COL26A1: variants seen among roughly 807,000 people sequenced by gnomAD.
The protein encoded by COL26A1 is collagen alpha-1(XXVI) chain.
COL26A1 carries 41 observed loss-of-function variants against 59.3 expected under a neutral mutation model. The ratio of observed to expected loss-of-function variants is 0.69; its 90% CI spans 0.54 to 0.90. The LOEUF (loss-of-function observed/expected upper bound fraction) is 0.90. Ranked by LOEUF, COL26A1 falls within the 40% of genes least tolerant of loss-of-function variation. COL26A1 has a pLI of 0.00. For missense variants in COL26A1, 612 were observed against 602.3 expected, an observed-to-expected ratio of 1.02 and a Z score of -0.17; for synonymous variants, 266 against 256.0, an observed-to-expected ratio of 1.04 and a Z score of -0.37.
intron 1 of COL26A1, among the ~76,000 whole-genome samples, chr7:101,395,103 C>T (rs114348175): frequency 0.013 from 1,951 of 151,620 alleles, 38 homozygotes; most frequent in African/African-American, 0.044. Context: ...GAACTACTGA[C>T]CTCAGACGAT....
rs180893332 is a variant in COL26A1 at position 101,483,821 on chromosome 7, C to T, written c.385+36034C>T. On this transcript the variant is annotated intron_variant, in intron 3 of 12. Transcript: ENST00000313669. ...TCCCGAGTAGCTGGGATTACAGGCA[C>T]ACACCACCACTCCTGGCTAAATTTT... is the stretch of plus-strand genomic sequence containing the variant. Among the ~76,000 whole-genome samples, 23 of 152,006 alleles carry T rather than the reference C, an allele frequency of 1.5e-4. No homozygotes were observed. In the East Asian group the frequency reaches 4.5e-3, roughly 29 times the overall value.
chr7:101,413,922 C>A (rs1218810104), intron 1 of COL26A1, among the ~76,000 whole-genome samples: 1 of 152,202 alleles, frequency 6.6e-6, no homozygotes, highest in African/African-American at 2.4e-5. Flanking sequence ...CACTGTTCAC[C>A]CACTGCTGTG....
chr7:101,455,503 CTTTTTTTTTTTT>C (rs10690062), intron 3 of COL26A1, among the ~76,000 whole-genome samples: 1 of 116,570 alleles, frequency 8.6e-6, no homozygotes, highest in African/African-American at 3.4e-5. Context: ...CTTTTCTTTT[CTTTTTTTTTTTT>C]TTTTTGAGAC....
In COL26A1 at chr7:101,393,998, A is replaced by G. The variant is rs575399512; in HGVS notation, c.159-25979A>G. The stretch of plus-strand genomic sequence containing the variant: ...TTGCTATGTTGCCCAGGCTGGTCTC[A>G]AACTTCTGGCCTCAAGTAGCCCTCC... On this transcript the variant is annotated intron_variant, in intron 1 of 12. Transcript: ENST00000313669. Among the ~76,000 whole-genome samples the G allele has an allele frequency of 1.1e-4, 16 of 150,166 alleles. 1 individual carries two copies. In the South Asian group the frequency reaches 3.4e-3, roughly 32 times the overall value.
chr7:101,545,987 A>T (rs1795726524), intron 7 of COL26A1, among the ~76,000 whole-genome samples: 1 of 152,242 alleles, frequency 6.6e-6, no homozygotes, highest in African/African-American at 2.4e-5. Flanking sequence ...ACAGGATTTT[A>T]GCCACTGGGG....
At chr7:101,496,432 T>C (rs1370905386) in intron 3 of COL26A1, among the ~76,000 whole-genome samples, 3 of 152,108 alleles carry the variant, frequency 2.0e-5, no homozygotes. Flanking sequence ...AGTTTGGGGC[T>C]GGGGTTTGGG....
chr7:101,511,829 C>A (rs547257269), intron 3 of COL26A1, among the ~76,000 whole-genome samples: 207 of 152,016 alleles, frequency 1.4e-3, no homozygotes, highest in African/African-American at 4.6e-3. Context: ...TCCATCTCTA[C>A]AAAACCCCCC....
chr7:101,410,849 C>T (rs1792226479), intron 1 of COL26A1, among the ~76,000 whole-genome samples: 2 of 152,166 alleles, frequency 1.3e-5, no homozygotes, highest in Non-Finnish European at 2.9e-5. Flanking sequence ...AGGCATGAGG[C>T]ACCACACCCA....
chr7:101,557,514 C>A lies in COL26A1; in HGVS notation c.1310C>A (p.Ala437Asp), dbSNP rs767764923. The change falls in exon 13 of 13, where the codon GCC becomes GAC. Residue 437 changes from alanine to aspartate, a missense_variant. Coordinates refer to ENST00000313669, the MANE Select transcript of COL26A1 (RefSeq NM_001278563.3). ...PDPGQKSVDQ[A>D]SSRK ...CCTGGACAGAAGAGCGTGGACCAGG[C>A]CAGCAGCAGGAAGTGAGAGCCCACT... The A allele has an allele frequency of 4.4e-6, 7 of 1,608,520 alleles. No homozygotes were observed. Among genetic ancestry groups the A allele is most frequent in the Non-Finnish European group, 6.0e-6 (7 of 1,175,970 alleles).
chr7:101,402,810 TCCTCCCCTCC>T (rs1351905200), intron 1 of COL26A1, among the ~76,000 whole-genome samples: 1 of 122,064 alleles, frequency 8.2e-6, no homozygotes, highest in African/African-American at 3.2e-5. Flanking sequence ...CTCTCCCCTC[TCCTCCCCTCC>T]CCTTTCCTTT....
chr7:101,422,088 G>T (rs576391794), intron 2 of COL26A1, among the ~76,000 whole-genome samples: 55 of 152,188 alleles, frequency 3.6e-4, no homozygotes, highest in Middle Eastern at 3.4e-3. Context: ...GAGGCAGGTG[G>T]ATCACCTGAG....
At chr7:101,365,199 CAT>C (rs1791014151) in intron 1 of COL26A1, among the ~76,000 whole-genome samples, 1 of 152,152 alleles carries the variant, frequency 6.6e-6, no homozygotes, top group African/African-American at 2.4e-5. Context: ...TGCACAGTTC[CAT>C]ATGAGGATTG....
intron 2 of COL26A1, among the ~76,000 whole-genome samples, chr7:101,437,638 A>G (rs1213752584): frequency 6.6e-6 from 1 of 151,938 alleles, no homozygotes; most frequent in African/African-American, 2.4e-5. Flanking sequence ...GCAGTGGTAC[A>G]TTCACAGCTC....
At chr7:101,418,654 T>TG (rs1562969797) in intron 1 of COL26A1, among the ~76,000 whole-genome samples, 1 of 151,264 alleles carries the variant, frequency 6.6e-6, no homozygotes, top group Non-Finnish European at 1.5e-5. Flanking sequence ...TTTGTAGAGA[T>TG]GGGGTCTCGC....
intron 3 of COL26A1, among the ~76,000 whole-genome samples, chr7:101,489,504 C>T (rs139046426): frequency 7.7e-4 from 117 of 152,272 alleles, no homozygotes; most frequent in African/African-American, 2.7e-3. Flanking sequence ...ATTCATAGCT[C>T]ACCTCAGCTT....
chr7:101,510,362 T>C (rs142525077), intron 3 of COL26A1, among the ~76,000 whole-genome samples: 17 of 152,092 alleles, frequency 1.1e-4, no homozygotes, highest in Admixed American at 2.0e-4. Context: ...AATGAGATCA[T>C]GAAATCGCCC....
chr7:101,473,655 A>C (rs200243348), intron 3 of COL26A1, among the ~76,000 whole-genome samples: 16 of 103,486 alleles, frequency 1.5e-4, no homozygotes, highest in East Asian at 4.8e-4. Flanking sequence ...CACACACACA[A>C]ACACACACAA....
At chr7:101,418,750 A>G (rs376688063) in intron 1 of COL26A1, among the ~76,000 whole-genome samples, 52 of 152,146 alleles carry the variant, frequency 3.4e-4, no homozygotes, top group African/African-American at 1.3e-3. Context: ...CCACCCGGCC[A>G]GGGACTTATT....
intron 3 of COL26A1, among the ~76,000 whole-genome samples, chr7:101,459,014 A>G (rs1793545455): frequency 6.6e-6 from 1 of 152,088 alleles, no homozygotes; most frequent in African/African-American, 2.4e-5. Flanking sequence ...AGGTTTCACT[A>G]TGTTGCCTAG....
Sources: allele counts gnomAD v4.1 joint callset (sites outside exome capture counted in the v4.1 genomes callset), GRCh38; gene constraint gnomAD v4.1.1; transcripts MANE v1.5; gene names NCBI Gene and HGNC (gene_info 2026-07-23, HGNC 2026-07-21).